PGM5: variants seen among roughly 807,000 people sequenced by gnomAD.
PGM5 encodes the protein phosphoglucomutase-like protein 5.
In PGM5, 23 loss-of-function variants were observed where a neutral mutation model predicts 59.2. That is an observed-to-expected ratio of 0.39 (90% CI 0.28 to 0.55). The LOEUF (loss-of-function observed/expected upper bound fraction) is 0.55, where lower values mean the gene tolerates loss of function less well. Ranked by LOEUF, PGM5 falls within the 20% of genes least tolerant of loss-of-function variation. PGM5 has a pLI of 0.66. For missense variants in PGM5, 574 were observed against 748.3 expected (o/e 0.77, Z 2.72); for synonymous variants, 214 against 286.0 (o/e 0.75, Z 2.54).
chr9:68,383,174 T>G (rs1554678504), intron 2 of PGM5, among the ~76,000 whole-genome samples: 2 of 151,852 alleles, frequency 1.3e-5, no homozygotes, highest in African/African-American at 4.8e-5. Context: ...GGACTATTGC[T>G]ATTCTTTTTT....
intron 6 of PGM5, among the ~76,000 whole-genome samples, chr9:68,441,751 T>A (rs1470620259): frequency 4.0e-5 from 6 of 151,522 alleles, no homozygotes; most frequent in Admixed American, 3.3e-4. Flanking sequence ...ACCCAGCCAA[T>A]GCAATAAGGC....
intron 6 of PGM5, among the ~76,000 whole-genome samples, chr9:68,423,428 C>T (rs559412272): frequency 2.6e-5 from 4 of 151,966 alleles, no homozygotes; most frequent in Admixed American, 1.3e-4. Flanking sequence ...TCTGCAAGGG[C>T]GAAAATTTAA....
intron 6 of PGM5, among the ~76,000 whole-genome samples, chr9:68,402,669 T>C (rs1302596498): frequency 7.2e-5 from 11 of 152,214 alleles, no homozygotes; most frequent in Non-Finnish European, 1.5e-4. Flanking sequence ...GAAGGTAGTT[T>C]AGCCCAGCCT....
At chr9:68,409,920 G>A (rs1286171164) in intron 6 of PGM5, among the ~76,000 whole-genome samples, 2 of 151,732 alleles carry the variant, frequency 1.3e-5, no homozygotes, top group Non-Finnish European at 2.9e-5. Context: ...GTGTGTGACT[G>A]AGGTGGTACA....
At chr9:68,473,909 G>C (rs1008475587) in intron 7 of PGM5, among the ~76,000 whole-genome samples, 17 of 152,020 alleles carry the variant, frequency 1.1e-4, no homozygotes, top group Non-Finnish European at 2.4e-4. Flanking sequence ...CAAGGCCAGG[G>C]CCGTGAATTA....
chr9:68,416,798 G>T (rs538668398), intron 6 of PGM5, among the ~76,000 whole-genome samples: 1 of 152,282 alleles, frequency 6.6e-6, no homozygotes, highest in African/African-American at 2.4e-5. Context: ...CTTTAAGCAG[G>T]CAACCTCAAA....
intron 6 of PGM5, among the ~76,000 whole-genome samples, chr9:68,403,431 C>T (rs1342036917): frequency 2.0e-5 from 3 of 152,120 alleles, no homozygotes; most frequent in African/African-American, 4.8e-5. Flanking sequence ...CTCGAATCAT[C>T]CCCAAATCAT....
chr9:68,482,730 G>A (rs1824218116), intron 8 of PGM5, among the ~76,000 whole-genome samples: 1 of 152,202 alleles, frequency 6.6e-6, no homozygotes, highest in Non-Finnish European at 1.5e-5. Context: ...TGTGCCATTA[G>A]GTCTCAGCCA....
chr9:68,441,165 C>T (rs782479365), intron 6 of PGM5, among the ~76,000 whole-genome samples: 4 of 151,894 alleles, frequency 2.6e-5, no homozygotes, highest in South Asian at 2.1e-4. Context: ...AGTTTAAAAC[C>T]TTCCAAAAAA....
chr9:68,395,901 C>T (rs1822487909), intron 6 of PGM5: 1 of 151,704 alleles, frequency 6.6e-6, no homozygotes, highest in South Asian at 2.1e-4. Flanking sequence ...CCTAGCAGCA[C>T]CAAAGAGTGG....
intron 6 of PGM5, among the ~76,000 whole-genome samples, chr9:68,451,397 A>G (rs1823693748): frequency 6.6e-6 from 1 of 152,236 alleles, no homozygotes; most frequent in South Asian, 2.1e-4. Context: ...GTGCGTGAGC[A>G]ATATCATTGC....
intron 6 of PGM5, chr9:68,396,447 A>G (rs1434572398): frequency 6.6e-6 from 1 of 152,198 alleles, no homozygotes; most frequent in Non-Finnish European, 1.5e-5. Context: ...TTATTCTGAC[A>G]ACAAAAACCA....
Position 68,438,560 on chromosome 9 carries a change from G to A in PGM5, c.1044-26533G>A, listed in dbSNP as rs565417660. On this transcript the variant is annotated intron_variant, in intron 6 of 10. Transcript: ENST00000396396. ...GATGGAGTAAGCACACTTCATCCAC[G>A]GTCTTCCCCATTGTATGTGGCTATA... 7.2e-5 allele frequency among the ~76,000 whole-genome samples: 11 copies of A among 152,048 alleles called. No individual in the cohort carries two copies. The South Asian group carries it at 1.2e-3, about 17-fold the overall frequency.
chr9:68,429,251 T>G (rs1587806855), intron 6 of PGM5: 1 of 152,210 alleles, frequency 6.6e-6, no homozygotes, highest in Admixed American at 6.5e-5. Context: ...AAGAAAATAT[T>G]AATTCTCTGC....
At chr9:68,376,475 CTGTGTGTGTGTGTGTG>C (rs71353047) in intron 1 of PGM5, among the ~76,000 whole-genome samples, 52 of 129,648 alleles carry the variant, frequency 4.0e-4, no homozygotes, top group Middle Eastern at 3.9e-3. Flanking sequence ...TGCTTTTGAG[CTGTGTGTGTGTGTGTG>C]TGTGTGTGTG....
chr9:68,448,859 T>C (rs189883787), intron 6 of PGM5, among the ~76,000 whole-genome samples: 1 of 152,322 alleles, frequency 6.6e-6, no homozygotes, highest in East Asian at 1.9e-4. Flanking sequence ...GGACAGCAGA[T>C]TGTGGGCTGA....
At chr9:68,436,944 T>G (rs1823450984) in intron 6 of PGM5, among the ~76,000 whole-genome samples, 1 of 152,200 alleles carries the variant, frequency 6.6e-6, no homozygotes, top group Non-Finnish European at 1.5e-5. Context: ...ATAGCAATAT[T>G]CTCCCATCAG....
chr9:68,515,463 C>T (rs1456014033), intron 10 of PGM5, among the ~76,000 whole-genome samples: 1 of 152,220 alleles, frequency 6.6e-6, no homozygotes, highest in African/African-American at 2.4e-5. Flanking sequence ...TCCTTGCTAA[C>T]TTCTTTAGAA....
chr9:68,414,073 G>C (rs1822981414), intron 6 of PGM5, among the ~76,000 whole-genome samples: 1 of 152,180 alleles, frequency 6.6e-6, no homozygotes, highest in Non-Finnish European at 1.5e-5. Flanking sequence ...TTGTCACAAA[G>C]AGCTGGTATC....
Sources: allele counts gnomAD v4.1 joint callset (sites outside exome capture counted in the v4.1 genomes callset), GRCh38; gene constraint gnomAD v4.1.1; transcripts MANE v1.5; gene names NCBI Gene and HGNC (gene_info 2026-07-23, HGNC 2026-07-21).